The following KLF8 variants were observed in gnomAD, a reference collection of about 807,000 sequenced individuals.
KLF8 encodes the protein Krueppel-like factor 8.
KLF8 carries 10 observed loss-of-function variants against 18.2 expected under a neutral mutation model. The ratio of observed to expected loss-of-function variants is 0.55; its 90% CI spans 0.34 to 0.93. KLF8 has a LOEUF of 0.93. KLF8 is among the 40% of genes least tolerant of loss of function. KLF8 has a pLI of 0.02. For synonymous variants in KLF8, 109 were observed against 97.3 expected (o/e 1.12, Z -0.71); for missense variants, 264 against 277.9 (o/e 0.95, Z 0.36).
chrX:56,057,343 G>T, the KLF8 span, among the ~76,000 whole-genome samples: 1 of 111,340 alleles, frequency 9.0e-6, no homozygotes, highest in Non-Finnish European at 1.9e-5. Context: ...TGTGGAGAGA[G>T]GGTGGTGGTT....
chrX:56,186,981 C>T, the KLF8 span, among the ~76,000 whole-genome samples: 4 of 111,292 alleles, frequency 3.6e-5, no homozygotes, highest in Non-Finnish European at 5.7e-5. Flanking sequence ...GAAGCAACAG[C>T]AAACACATTC....
the KLF8 span, among the ~76,000 whole-genome samples, chrX:56,017,415 G>T: frequency 1.8e-5 from 2 of 112,527 alleles, no homozygotes; most frequent in Non-Finnish European, 3.8e-5. Flanking sequence ...GAGGCAGAGG[G>T]CACAGTCACC....
chrX:56,049,783 A>C, the KLF8 span, among the ~76,000 whole-genome samples: 1 of 110,715 alleles, frequency 9.0e-6, no homozygotes, highest in African/African-American at 3.3e-5. Context: ...TGGCCTCATA[A>C]AATGAGTTAG....
At chrX:56,160,311 A>G in the KLF8 span, among the ~76,000 whole-genome samples, 2 of 111,714 alleles carry the variant, frequency 1.8e-5, no homozygotes, top group Non-Finnish European at 3.8e-5. Flanking sequence ...ACTTCCAACT[A>G]TGTGGTCAGT....
At chrX:55,991,440 C>G in the KLF8 span, among the ~76,000 whole-genome samples, 1 of 111,981 alleles carries the variant, frequency 8.9e-6, no homozygotes, top group African/African-American at 3.2e-5. Context: ...TCCGTGACCC[C>G]TTTCACTTCC....
the KLF8 span, among the ~76,000 whole-genome samples, chrX:56,201,619 G>T: frequency 2.7e-5 from 3 of 111,587 alleles, no homozygotes; most frequent in Non-Finnish European, 5.7e-5. Flanking sequence ...TCACAAGAAA[G>T]AATTATTATA....
the KLF8 span, among the ~76,000 whole-genome samples, chrX:55,929,661 A>T: frequency 1.8e-5 from 2 of 111,344 alleles, no homozygotes; most frequent in Admixed American, 1.9e-4. Context: ...CAGGTTTGTC[A>T]AAGATCAGAT....
the KLF8 span, among the ~76,000 whole-genome samples, chrX:56,077,186 T>C: frequency 8.9e-6 from 1 of 112,150 alleles, no homozygotes; most frequent in Non-Finnish European, 1.9e-5. Context: ...TTGCCATTGC[T>C]TTTGGTGTTT....
chrX:56,278,096 A>T (rs1432228981), intron 5 of KLF8, among the ~76,000 whole-genome samples: 1 of 112,534 alleles, frequency 8.9e-6, no homozygotes, highest in Non-Finnish European at 1.9e-5. Context: ...GCCATGCAAG[A>T]GCATAATCCT....
the KLF8 span, among the ~76,000 whole-genome samples, chrX:56,052,938 CT>C: frequency 1.8e-5 from 2 of 111,730 alleles, no homozygotes; most frequent in South Asian, 7.6e-4. Flanking sequence ...GCGTAGGACC[CT>C]CCGAGCCAGG....
chrX:55,917,673 C>T, the KLF8 span, among the ~76,000 whole-genome samples: 1 of 111,394 alleles, frequency 9.0e-6, no homozygotes, highest in African/African-American at 3.3e-5. Flanking sequence ...AAACAGTACA[C>T]TCATATAGTG....
chrX:56,094,577 A>G, the KLF8 span, among the ~76,000 whole-genome samples: 1 of 111,247 alleles, frequency 9.0e-6, no homozygotes, highest in Non-Finnish European at 1.9e-5. Context: ...CAAACAGGAT[A>G]TTGTTAAACT....
the KLF8 span, among the ~76,000 whole-genome samples, chrX:56,186,595 A>T: frequency 9.0e-6 from 1 of 111,421 alleles, no homozygotes; most frequent in Non-Finnish European, 1.9e-5. Context: ...ACCACACCAC[A>T]CCTATTCCAA....
the KLF8 span, among the ~76,000 whole-genome samples, chrX:56,048,160 G>T: frequency 1.8e-5 from 2 of 111,673 alleles, no homozygotes; most frequent in Non-Finnish European, 3.8e-5. Context: ...GTAGATTCTG[G>T]ATATTAGCCC....
the KLF8 span, among the ~76,000 whole-genome samples, chrX:56,190,203 G>T: frequency 9.0e-6 from 1 of 110,881 alleles, no homozygotes; most frequent in South Asian, 3.8e-4. Context: ...AGACAAAGTA[G>T]ATTTCAAGAC....
the KLF8 span, among the ~76,000 whole-genome samples, chrX:56,025,335 C>T: frequency 2.7e-5 from 3 of 111,864 alleles, no homozygotes; most frequent in African/African-American, 9.7e-5. Flanking sequence ...GAGATACGTG[C>T]TCTCCTTTTT....
the KLF8 span, among the ~76,000 whole-genome samples, chrX:56,138,035 C>T: frequency 1.3e-4 from 8 of 60,403 alleles, no homozygotes; most frequent in African/African-American, 4.8e-4. Context: ...ACCACTGACC[C>T]CACAGAAATA....
At chrX:56,231,273 G>T (rs2066399440), upstream of KLF8, among the ~76,000 whole-genome samples, 1 of 111,834 alleles carries the variant, frequency 8.9e-6, no homozygotes, top group Non-Finnish European at 1.9e-5. Flanking sequence ...GAAGGTAGAT[G>T]AGATGCACAG....
the KLF8 span, among the ~76,000 whole-genome samples, chrX:56,217,708 C>A: frequency 9.0e-6 from 1 of 111,692 alleles, no homozygotes; most frequent in African/African-American, 3.3e-5. Context: ...TGTGAGCCAC[C>A]GCACCCGGCT....
Sources: allele counts gnomAD v4.1 joint callset (sites outside exome capture counted in the v4.1 genomes callset), GRCh38; gene constraint gnomAD v4.1.1; transcripts MANE v1.5; gene names NCBI Gene and HGNC (gene_info 2026-07-23, HGNC 2026-07-21).